RYR3: variants seen among roughly 807,000 people sequenced by gnomAD.
RYR3 encodes the protein ryanodine receptor 3, also known as brain ryanodine receptor-calcium release channel.
In RYR3, 207 loss-of-function variants were observed where a neutral mutation model predicts 584.3. That is an observed-to-expected ratio of 0.35 (90% CI 0.32 to 0.40). RYR3 has a LOEUF of 0.40. Ranked by LOEUF, RYR3 falls within the 10% of genes least tolerant of loss-of-function variation. RYR3 has a pLI of 1.00. For missense variants in RYR3, 5,616 were observed against 6,089.2 expected (o/e 0.92, Z 2.59); for synonymous variants, 2,416 against 2,248.5 (o/e 1.07, Z -2.11).
intron 12 of RYR3, among the ~76,000 whole-genome samples, chr15:33,574,172 GCAT>G (rs935844314): frequency 3.3e-5 from 5 of 152,146 alleles, no homozygotes; most frequent in Non-Finnish European, 5.9e-5. Flanking sequence ...CCTGTGTGGT[GCAT>G]TTGCTGCCTC....
chr15:33,860,385 C>T (rs565914857), intron 100 of RYR3, among the ~76,000 whole-genome samples: 1 of 152,266 alleles, frequency 6.6e-6, no homozygotes, highest in African/African-American at 2.4e-5. Flanking sequence ...TAGTTAACAG[C>T]ACTGCATGGT....
At position 33,778,621 on chromosome 15, in the gene RYR3, C is replaced by G. The variant is rs1440836808; in HGVS notation, c.9138-1590C>G. Among the ~76,000 whole-genome samples, 3 of 152,288 alleles carry G rather than the reference C, an allele frequency of 2.0e-5. No individual in the cohort carries two copies. The East Asian group carries it at 5.8e-4, about 29-fold the overall frequency. On this transcript the variant is annotated intron_variant, in intron 64 of 103. Coordinates refer to ENST00000634891, the MANE Select transcript of RYR3 (RefSeq NM_001036.6). ...GGAATAGGCCTGGCCTGGGGCCTGC[C>G]CAGAAGTGAAGCTGCATTGTGAAAG... is the stretch of plus-strand genomic sequence containing the variant.
intron 98 of RYR3, among the ~76,000 whole-genome samples, chr15:33,857,546 C>T (rs1393528571): frequency 6.6e-6 from 1 of 152,068 alleles, no homozygotes; most frequent in East Asian, 1.9e-4. Context: ...ATTCAGCCCC[C>T]AACACCCCAT....
At chr15:33,386,432 T>G (rs902676524) in intron 1 of RYR3, among the ~76,000 whole-genome samples, 2 of 152,240 alleles carry the variant, frequency 1.3e-5, no homozygotes, top group Non-Finnish European at 2.9e-5. Context: ...AACATTGCCA[T>G]GAGCTGGTGC....
chr15:33,571,559 T>C (rs561463333), intron 12 of RYR3, among the ~76,000 whole-genome samples: 1 of 152,310 alleles, frequency 6.6e-6, no homozygotes, highest in South Asian at 2.1e-4. Context: ...ATTTTTCTTT[T>C]TTCTTTATGA....
chr15:33,667,548 TAA>T (rs2063552610), intron 36 of RYR3, among the ~76,000 whole-genome samples: 1 of 152,078 alleles, frequency 6.6e-6, no homozygotes, highest in Non-Finnish European at 1.5e-5. Context: ...TGGATAGATA[TAA>T]GACCTGCCAC....
chr15:33,833,246 T>C (rs779602051), intron 86 of RYR3, among the ~76,000 whole-genome samples: 2 of 152,218 alleles, frequency 1.3e-5, no homozygotes, highest in Non-Finnish European at 2.9e-5. Context: ...TTCATTTCTT[T>C]CCCAAAGAAC....
chr15:33,560,922 C>T (rs1454260729), intron 10 of RYR3, among the ~76,000 whole-genome samples: 1 of 151,892 alleles, frequency 6.6e-6, no homozygotes, highest in African/African-American at 2.4e-5. Context: ...AAAAATAAGT[C>T]ATATTTAATA....
At chr15:33,482,013 T>C (rs1359566365) in intron 2 of RYR3, among the ~76,000 whole-genome samples, 2 of 152,108 alleles carry the variant, frequency 1.3e-5, no homozygotes, top group Non-Finnish European at 2.9e-5. Context: ...ATAAAATTAA[T>C]GTATTTGCCA....
intron 67 of RYR3, among the ~76,000 whole-genome samples, chr15:33,789,660 T>TATATATATA (rs1567175274): frequency 1.2e-4 from 1 of 8,338 alleles, no homozygotes; most frequent in Non-Finnish European, 2.3e-4. Context: ...ATATATATAT[T>TATATATATA]TTTTTTTTTT....
Position 33,623,960 on chromosome 15 carries a change from C to T in RYR3, c.2511C>T (p.Leu837=). Reference sequence around the variant, plus strand: ...GTGATGCTGATGGCATTAGAGATCTCTTGGGTACCACCCAGTTCCTCTCCC... The same window carrying T: ...GTGATGCTGATGGCATTAGAGATCTTTTGGGTACCACCCAGTTCCTCTCCC... ...YKRDADGIRD[L]LGTTQFLSQA... is the part of the protein sequence containing the mutation. Residue 837 remains leucine, a synonymous_variant, in exon 20 of 104, where the codon CTC becomes CTT. Transcript: ENST00000634891. 1.2e-6 allele frequency: 2 copies of T among 1,614,014 alleles called. No individual in the cohort carries two copies. The highest frequency in any genetic ancestry group is 1.7e-6 in the Non-Finnish European group (2 of 1,179,880).
intron 16 of RYR3, among the ~76,000 whole-genome samples, chr15:33,587,316 G>A (rs1033077407): frequency 3.9e-5 from 6 of 152,172 alleles, no homozygotes; most frequent in African/African-American, 1.4e-4. Flanking sequence ...TGAGCAACAC[G>A]TGCTAGGAGC....
chr15:33,852,793 A>C (rs2079238718), intron 94 of RYR3: 1 of 398,646 alleles, frequency 2.5e-6, no homozygotes, highest in Middle Eastern at 3.7e-4. Context: ...TTGGCTCCAA[A>C]TCATAATTCT....
intron 3 of RYR3, among the ~76,000 whole-genome samples, chr15:33,509,466 T>A (rs536217611): frequency 3.9e-4 from 60 of 152,358 alleles, no homozygotes; most frequent in African/African-American, 1.4e-3. Flanking sequence ...ATTTTGTATG[T>A]GTGTGAGGAG....
At chr15:33,400,240 C>T (rs895454281) in intron 1 of RYR3, among the ~76,000 whole-genome samples, 15 of 152,238 alleles carry the variant, frequency 9.9e-5, no homozygotes, top group African/African-American at 2.6e-4. Context: ...GGGACCATCC[C>T]GGTTTATACT....
At chr15:33,821,046 T>A (rs1433839882) in intron 78 of RYR3, among the ~76,000 whole-genome samples, 1 of 151,200 alleles carries the variant, frequency 6.6e-6, no homozygotes, top group Non-Finnish European at 1.5e-5. Context: ...GTGTGTTCTA[T>A]CAGTACAAAA....
chr15:33,488,328 C>T (rs2050647562), intron 2 of RYR3, among the ~76,000 whole-genome samples: 1 of 152,154 alleles, frequency 6.6e-6, no homozygotes, highest in African/African-American at 2.4e-5. Context: ...TACATAGGCA[C>T]CTCTGTCACG....
At chr15:33,464,867 A>G (rs2048361244) in intron 1 of RYR3, among the ~76,000 whole-genome samples, 1 of 151,940 alleles carries the variant, frequency 6.6e-6, no homozygotes, top group Non-Finnish European at 1.5e-5. Flanking sequence ...GAAACTTTTT[A>G]CCCTTTGACC....
chr15:33,669,853 G>GGGGGGTGT (rs2063722409), intron 37 of RYR3, among the ~76,000 whole-genome samples: 1 of 40,090 alleles, frequency 2.5e-5, no homozygotes, highest in African/African-American at 6.6e-5. Flanking sequence ...TGGGGGGGGG[G>GGGGGGTGT]GGGGGTGTGG....
Sources: gnomAD v4.1 joint callset for allele counts (sites outside exome capture counted in the v4.1 genomes callset) on GRCh38, gnomAD v4.1.1 for gene constraint, MANE v1.5 for transcripts, NCBI Gene and HGNC (gene_info 2026-07-23, HGNC 2026-07-21) for gene names.